PCSK9: variants seen among roughly 807,000 people sequenced by gnomAD.
PCSK9 encodes the protein proprotein convertase subtilisin/kexin type 9, also known as convertase subtilisin/kexin type 9 preproprotein.
PCSK9 carries 57 observed loss-of-function variants against 62.1 expected under a neutral mutation model. That is an observed-to-expected ratio of 0.92 (90% CI 0.74 to 1.14). The LOEUF (loss-of-function observed/expected upper bound fraction) is 1.14, where lower values mean the gene tolerates loss of function less well. PCSK9 is among the 50% of genes most tolerant of loss of function. PCSK9 has a pLI of 0.00. For synonymous variants in PCSK9, 387 were observed against 409.4 expected (o/e 0.95, Z 0.66); for missense variants, 870 against 959.8 (o/e 0.91, Z 1.24).
At chr1:55,046,699 C>T in intron 3 of PCSK9, 53 bp downstream of exon 3, 1 of 1,608,540 alleles carries the variant, frequency 6.2e-7, no homozygotes, top group Non-Finnish European at 8.5e-7. Flanking sequence ...AATCCATTTG[C>T]TCTGCCCTGG....
intron 3 of PCSK9, among the ~76,000 whole-genome samples, chr1:55,047,019 T>A (rs1318559433): frequency 6.6e-6 from 1 of 152,110 alleles, no homozygotes; most frequent in African/African-American, 2.4e-5. Context: ...CTGGACCAGA[T>A]CCTTTAATGG....
intron 3 of PCSK9, among the ~76,000 whole-genome samples, chr1:55,048,672 A>G (rs1644652587): frequency 6.6e-6 from 1 of 152,188 alleles, no homozygotes; most frequent in Non-Finnish European, 1.5e-5. Context: ...GGCCACAAGC[A>G]TGGGCCCTAG....
At chr1:55,048,443 C>T (rs1644650486) in intron 3 of PCSK9, among the ~76,000 whole-genome samples, 1 of 152,244 alleles carries the variant, frequency 6.6e-6, no homozygotes, top group Non-Finnish European at 1.5e-5. Flanking sequence ...GGGCCAGAAG[C>T]AGACGTGGGG....
chr1:55,052,026 C>G, intron 3 of PCSK9: 1 of 563,372 alleles, frequency 1.8e-6, no homozygotes, highest in African/African-American at 1.9e-5. Flanking sequence ...GACTTGGGTC[C>G]TTCTTGGCAG....
At chr1:55,051,488 C>T (rs2100293588) in intron 3 of PCSK9, 2 of 321,334 alleles carry the variant, frequency 6.2e-6, no homozygotes, top group Middle Eastern at 1.1e-3. Context: ...TTCCTCTCTC[C>T]CTTCTCCATC....
chr1:55,058,313 C>A, intron 8 of PCSK9, 104 bp downstream of exon 8: 1 of 1,484,090 alleles, frequency 6.7e-7, no homozygotes, highest in South Asian at 1.2e-5. Flanking sequence ...GAGGATGACG[C>A]CACCTTAAAT....
chr1:55,048,805 G>A (rs970838215), intron 3 of PCSK9, among the ~76,000 whole-genome samples: 1 of 152,216 alleles, frequency 6.6e-6, no homozygotes, highest in African/African-American at 2.4e-5. Context: ...CCCTCACTCT[G>A]GGGGGCTGTT....
Position 55,063,676 on chromosome 1 carries a change from T to C in PCSK9, c.*92T>C. 1 of 1,398,160 alleles carries C rather than the reference T, an allele frequency of 7.2e-7. No individual in the cohort carries two copies. The highest frequency in any genetic ancestry group is 9.6e-7 in the Non-Finnish European group (1 of 1,037,118). 86.6% of individuals were successfully genotyped at this position (1,398,160 alleles called of 1,614,324 possible). ...GACTTGTCCCTCTCTCAGCCCTCCA[T>C]GGCCTGGCACGAGGGGATGGGGATG... On this transcript the variant is annotated 3_prime_UTR_variant, in exon 12 of 12. Coordinates refer to ENST00000302118, the MANE Select transcript of PCSK9 (RefSeq NM_174936.4).
At position 55,046,627 on chromosome 1, in the gene PCSK9, G is replaced by A. The variant is rs776208295; in HGVS notation, c.504G>A (p.Ala168=). Residue 168 remains alanine (A), a synonymous_variant, in exon 3 of 12, where the codon GCG becomes GCA. Coordinates refer to ENST00000302118, the MANE Select transcript of PCSK9 (RefSeq NM_174936.4). Reference sequence around the variant, plus strand: ...GGATTACCCCTCCACGGTACCGGGCGGATGAATACCAGCCCCCCGGTAAGA... The same window carrying A: ...GGATTACCCCTCCACGGTACCGGGCAGATGAATACCAGCCCCCCGGTAAGA... ...LERITPPRYR[A]DEYQPPDGGS... 1.5e-5 allele frequency: 24 copies of A among 1,613,882 alleles called. No individual in the cohort carries two copies. The highest frequency in any genetic ancestry group is 5.5e-5 in the South Asian group (5 of 91,064).
intron 3 of PCSK9, chr1:55,051,678 T>C: frequency 4.9e-6 from 1 of 202,026 alleles, no homozygotes; most frequent in Non-Finnish European, 1.0e-5. Flanking sequence ...AGGCGCTCGG[T>C]GACTGTTTTC....
chr1:55,056,638 C>A (rs998126548), intron 6 of PCSK9, among the ~76,000 whole-genome samples: 1 of 152,194 alleles, frequency 6.6e-6, no homozygotes, highest in African/African-American at 2.4e-5. Flanking sequence ...TGAATGGGAG[C>A]GGTTGAGGGC....
intron 1 of PCSK9, among the ~76,000 whole-genome samples, chr1:55,041,808 A>G (rs983787651): frequency 2.6e-5 from 4 of 152,090 alleles, no homozygotes; most frequent in African/African-American, 9.7e-5. Context: ...GCATTTTCAG[A>G]TGGGTCTTTG....
chr1:55,052,176 C>CTT, intron 3 of PCSK9, 102 bp from the exon 4 acceptor site: 1 of 1,518,052 alleles, frequency 6.6e-7, no homozygotes, highest in Non-Finnish European at 9.1e-7. Context: ...ATTTAAGGCG[C>CTT]TTTCACCAGT....
At chr1:55,046,720 C>G in intron 3 of PCSK9, 74 bp downstream of exon 3, 2 of 1,577,796 alleles carry the variant, frequency 1.3e-6, no homozygotes, top group Non-Finnish European at 1.7e-6. Flanking sequence ...CCTGGCCTCC[C>G]TGCTGGTGGT....
chr1:55,054,864 G>A (rs189679060), intron 5 of PCSK9, among the ~76,000 whole-genome samples: 2 of 152,192 alleles, frequency 1.3e-5, no homozygotes, highest in Admixed American at 6.5e-5. Flanking sequence ...AATTAGCCGG[G>A]CGTGGTGGCA....
intron 5 of PCSK9, 67 bp from the exon 6 acceptor site, chr1:55,055,926 G>A: frequency 6.8e-7 from 1 of 1,461,094 alleles, no homozygotes; most frequent in South Asian, 1.3e-5. Flanking sequence ...CTCTGTGCCT[G>A]TAAGGGAGGG....
Position 55,052,698 on chromosome 1 carries a change from G to A in PCSK9, c.706G>A (p.Gly236Ser), listed in dbSNP as rs149489325. The part of the protein sequence containing the change: ...HGTHLAGVVS[G>S]RDAGVAKGAS... ...CACCCACCTGGCAGGGGTGGTCAGCGGCCGGGATGCCGGCGTGGCCAAGGG... is the reference window on the plus strand; with the variant it reads ...CACCCACCTGGCAGGGGTGGTCAGCAGCCGGGATGCCGGCGTGGCCAAGGG... The change falls in exon 5 of 12, where the codon GGC becomes AGC. Residue 236 changes from glycine to serine, a missense_variant. By Grantham distance (56) the Gly-to-Ser change is moderately conservative. Transcript: ENST00000302118. 3.8e-5 allele frequency: 62 copies of A among 1,613,126 alleles called. No homozygotes were observed. Among genetic ancestry groups the A allele is most frequent in the South Asian group, 2.2e-4 (20 of 91,064 alleles).
At chr1:55,048,185 C>A (rs1644647622) in intron 3 of PCSK9, among the ~76,000 whole-genome samples, 1 of 152,180 alleles carries the variant, frequency 6.6e-6, no homozygotes, top group Admixed American at 6.5e-5. Context: ...CGTGTCCCAA[C>A]AGCGGCAGCA....
intron 5 of PCSK9, among the ~76,000 whole-genome samples, chr1:55,053,418 C>T (rs1020514157): frequency 2.0e-5 from 3 of 152,172 alleles, no homozygotes; most frequent in African/African-American, 7.2e-5. Flanking sequence ...GGCCTCTGTA[C>T]AGCATGTCCT....
Sources: gnomAD v4.1 joint callset for allele counts (sites outside exome capture counted in the v4.1 genomes callset) on GRCh38, gnomAD v4.1.1 for gene constraint, MANE v1.5 for transcripts, NCBI Gene and HGNC (gene_info 2026-07-23, HGNC 2026-07-21) for gene names.